The following MESD variants were observed in gnomAD, a reference collection of about 807,000 sequenced individuals.
MESD encodes the protein mesoderm development LRP chaperone.
MESD carries 7 observed loss-of-function variants against 12.9 expected under a neutral mutation model. The ratio of observed to expected loss-of-function variants is 0.54; its 90% CI spans 0.31 to 1.02. The LOEUF (loss-of-function observed/expected upper bound fraction) is 1.02, where lower values mean the gene tolerates loss of function less well. Ranked by LOEUF, MESD falls within the 50% of genes least tolerant of loss-of-function variation. The pLI is 0.05. For synonymous variants in MESD, 126 were observed against 115.6 expected, an observed-to-expected ratio of 1.09 and a Z score of -0.58; for missense variants, 342 against 296.7, an observed-to-expected ratio of 1.15 and a Z score of -1.12.
intron 1 of MESD, among the ~76,000 whole-genome samples, chr15:80,988,155 C>G (rs1902784532): frequency 1.3e-5 from 2 of 152,150 alleles, no homozygotes; most frequent in Non-Finnish European, 2.9e-5. Context: ...CTCTAAAAGT[C>G]GCGAAAGAAT....
chr15:80,955,374 C>T (rs1473184024), intron 3 of MESD, among the ~76,000 whole-genome samples: 1 of 150,046 alleles, frequency 6.7e-6, no homozygotes, highest in African/African-American at 2.5e-5. Flanking sequence ...GCCTGTAGTC[C>T]CAGTATTCGG....
Position 80,979,247 on chromosome 15 carries a change from C to T in MESD, c.677G>A (p.Arg226Gln), listed in dbSNP as rs753142107. 5.0e-5 allele frequency: 80 copies of T among 1,613,646 alleles called. No homozygotes were observed. The highest frequency in any genetic ancestry group is 1.6e-4 in the South Asian group (15 of 91,084). The change falls in exon 3 of 3, where the codon CGA becomes CAA. Residue 226 changes from arginine (R) to glutamine (Q), a missense_variant. Coordinates refer to ENST00000261758, the MANE Select transcript of MESD (RefSeq NM_015154.3). ...CAGGTCTTCTCTTTTATTCCCAGCT[C>T]GATTTTCTTCCTTGGAAGACCGAGA... is the stretch of plus-strand genomic sequence containing the variant. ...LKSRSSKEEN[R>Q]AGNKREDL
Position 80,989,754 on chromosome 15 carries a change from A to C in MESD, c.38T>G (p.Leu13Arg), listed in dbSNP as rs766820623. The change falls in exon 1 of 3, where the codon CTG (leucine) becomes CGG (arginine). Residue 13 changes from leucine (L) to arginine (R), a missense_variant. Transcript: ENST00000261758. ...CAGCAGCAGGTCAGAGGCACAAAGCAGGACCACGGCCTTGCGCGCCCACCT... is the reference window on the plus strand; with the variant it reads ...CAGCAGCAGGTCAGAGGCACAAAGCCGGACCACGGCCTTGCGCGCCCACCT... Reference protein sequence around the residue: ...ASRWARKAVVLLCASDLLLLL... With the variant: ...ASRWARKAVVRLCASDLLLLL... The C allele has an allele frequency of 5.0e-6, 8 of 1,600,912 alleles. No homozygotes were observed. The highest frequency in any genetic ancestry group is 5.1e-6 in the Non-Finnish European group (6 of 1,179,110).
In MESD at chr15:80,988,027, TC is replaced by T. The variant is rs576000061; in HGVS notation, c.213+1551del. ...TAAAAGTATAAAAATCTCACATTTC[TC>T]CCTTCTACTCTGCTCCTGCAGTTTC... is the stretch of plus-strand genomic sequence containing the variant. On this transcript the variant is annotated intron_variant, in intron 1 of 2. Coordinates refer to ENST00000261758, the MANE Select transcript of MESD (RefSeq NM_015154.3). 1.7e-4 allele frequency among the ~76,000 whole-genome samples: 26 copies of T among 152,222 alleles called. 1 individual carries two copies. Among genetic ancestry groups the T allele is most frequent in the Non-Finnish European group, 3.2e-4 (22 of 68,040 alleles).
downstream of MESD, chr15:80,946,751 CA>C (rs1901572089): frequency 3.4e-6 from 2 of 582,566 alleles, no homozygotes; most frequent in South Asian, 3.7e-5. Context: ...CAACTGTGGC[CA>C]GATGTGTGGG....
intron 1 of MESD, among the ~76,000 whole-genome samples, chr15:80,985,681 T>C (rs1162965902): frequency 3.6e-5 from 5 of 138,916 alleles, no homozygotes; most frequent in Non-Finnish European, 7.7e-5. Flanking sequence ...GGTCTTACTC[T>C]ATTACCCAGT....
Position 80,977,799 on chromosome 15 carries a change from A to C in MESD, c.*1420T>G, listed in dbSNP as rs1902457707. The C allele has an allele frequency of 6.6e-6, 1 of 152,274 alleles. No homozygotes were observed. Among genetic ancestry groups the C allele is most frequent in the African/African-American group, 2.4e-5 (1 of 41,450 alleles). 9.4% of individuals were successfully genotyped at this position (152,274 alleles called of 1,614,324 possible). A position where few individuals can be genotyped will look rare whatever the true frequency, so the allele number is the denominator to read the frequency against. ...AGCTCCCGCTCCAGGTTCAAGATGCAGGAGGAACAAGAAAAGCCTCTTTCA... is the reference window on the plus strand; with the variant it reads ...AGCTCCCGCTCCAGGTTCAAGATGCCGGAGGAACAAGAAAAGCCTCTTTCA... On this transcript the variant is annotated 3_prime_UTR_variant, in exon 3 of 3. Coordinates refer to ENST00000261758, the MANE Select transcript of MESD (RefSeq NM_015154.3).
In MESD at chr15:80,952,412, T is replaced by C. The variant is rs1250679714; in HGVS notation, c.*289-116A>G. On this transcript the variant is annotated intron_variant, in intron 3 of 4. Transcript: ENST00000561312. Reference sequence around the variant, plus strand: ...ATGGGGCTACCTACATTTAAATTAATTTAAATTAAATGCAATTAAAAATGC... The same window carrying C: ...ATGGGGCTACCTACATTTAAATTAACTTAAATTAAATGCAATTAAAAATGC... The C allele has an allele frequency of 4.9e-5, 14 of 287,844 alleles. 1 individual carries two copies. The highest frequency in any genetic ancestry group is 4.5e-4 in the South Asian group (14 of 30,982). The allele number at this position is 287,844 out of a possible 1,614,324, so 17.8% of individuals were successfully genotyped here.
In MESD at chr15:80,960,947, G is replaced by T. The variant is rs1335585256; in HGVS notation, c.*289-8651C>A. ...AGGGAGGAAGGAAAGTCCTGGGTTA[G>T]GGAATTCATGCCACTGTCTCCCTTT... is the stretch of plus-strand genomic sequence containing the variant. On this transcript the variant is annotated intron_variant, in intron 3 of 4. Coordinates refer to the MESD transcript ENST00000561312. Among the ~76,000 whole-genome samples the T allele has an allele frequency of 2.6e-5, 4 of 152,296 alleles. No homozygotes were observed. In the East Asian group the frequency reaches 7.7e-4, roughly 29 times the overall value.
At chr15:80,971,747 C>A (rs1902293088), downstream of MESD, among the ~76,000 whole-genome samples, 1 of 152,092 alleles carries the variant, frequency 6.6e-6, no homozygotes, top group Non-Finnish European at 1.5e-5. Flanking sequence ...CCGCCTCAAC[C>A]TCCTGAGTAG....
Position 80,967,225 on chromosome 15 carries a change from G to A in MESD, c.*288+11706C>T, listed in dbSNP as rs557667743. The stretch of plus-strand genomic sequence containing the variant: ...GAGAATCACTTGAACCCGGGAGGTG[G>A]AGGTTGTGGTGAACCGAGATCACAC... On this transcript the variant is annotated intron_variant, in intron 3 of 4. Coordinates refer to the MESD transcript ENST00000561312. Among the ~76,000 whole-genome samples, 12 of 152,068 alleles carry A rather than the reference G, an allele frequency of 7.9e-5. No homozygotes were observed. In the South Asian group the frequency reaches 2.1e-3, roughly 26 times the overall value.
chr15:80,982,112 T>C lies in MESD; in HGVS notation c.284A>G (p.Lys95Arg), dbSNP rs370672520. Reference sequence around the variant, plus strand: ...GCTTTCAGGCTTGCTTGGGTCTATCTTTGAGAAGTCGACAGGTGCTGAAGG... The same window carrying C: ...GCTTTCAGGCTTGCTTGGGTCTATCCTTGAGAAGTCGACAGGTGCTGAAGG... The part of the protein sequence containing the change: ...KRPSAPVDFS[K>R]IDPSKPESIL... The change falls in exon 2 of 3, where the codon AAG (lysine) becomes AGG (arginine). Residue 95 changes from lysine to arginine, a missense_variant. By Grantham distance (26) the Lys-to-Arg change is conservative (BLOSUM62 2). Transcript: ENST00000261758. 286 of 1,614,046 alleles carry C rather than the reference T, an allele frequency of 1.8e-4. No individual in the cohort carries two copies. Among genetic ancestry groups the C allele is most frequent in the Non-Finnish European group, 2.2e-4 (259 of 1,180,042 alleles).
intron 3 of MESD, among the ~76,000 whole-genome samples, chr15:80,958,954 A>G (rs1488835939): frequency 1.3e-5 from 2 of 152,230 alleles, no homozygotes; most frequent in Non-Finnish European, 2.9e-5. Context: ...CTGGAGAGTC[A>G]TTGAAGGGGA....
chr15:80,988,791 C>T (rs1374273234), intron 1 of MESD, among the ~76,000 whole-genome samples: 3 of 152,204 alleles, frequency 2.0e-5, no homozygotes, highest in Admixed American at 2.0e-4. Flanking sequence ...ACATAACCTG[C>T]CCAAGGTTCC....
At position 80,982,117 on chromosome 15, in the gene MESD, G is replaced by C. The variant is rs1325788593; in HGVS notation, c.279C>G (p.Phe93Leu). 6.2e-7 allele frequency: 1 copy of C among 1,614,134 alleles called. No individual in the cohort carries two copies. Among genetic ancestry groups the C allele is most frequent in the East Asian group, 2.2e-5 (1 of 44,878 alleles). ...CAGGCTTGCTTGGGTCTATCTTTGA[G>C]AAGTCGACAGGTGCTGAAGGTCTCT... ...EHKRPSAPVDFSKIDPSKPES... is the reference protein window; with the variant it reads ...EHKRPSAPVDLSKIDPSKPES... Residue 93 changes from phenylalanine (F) to leucine (L), a missense_variant, in exon 2 of 3, where the codon TTC becomes TTG. Coordinates refer to ENST00000261758, the MANE Select transcript of MESD (RefSeq NM_015154.3).
intron 1 of MESD, among the ~76,000 whole-genome samples, chr15:80,987,491 C>CTTT (rs11337726): frequency 1.4e-5 from 2 of 143,504 alleles, no homozygotes; most frequent in Admixed American, 1.4e-4. Context: ...CAAAATCTGT[C>CTTT]TTTTTTTTTT....
chr15:80,989,744 G>A lies in MESD; in HGVS notation c.48C>T (p.Ala16=). 1.9e-6 allele frequency: 3 copies of A among 1,603,638 alleles called. No individual in the cohort carries two copies. The highest frequency in any genetic ancestry group is 2.5e-6 in the Non-Finnish European group (3 of 1,179,670). Residue 16 remains alanine, a synonymous_variant, in exon 1 of 3, where the codon GCC becomes GCT. Coordinates refer to ENST00000261758, the MANE Select transcript of MESD (RefSeq NM_015154.3). The part of the protein sequence containing the change: ...WARKAVVLLC[A]SDLLLLLLLL... ...GTAGCAGCAGCAGCAGCAGGTCAGA[G>A]GCACAAAGCAGGACCACGGCCTTGC...
chr15:80,973,519 A>T (rs548334635), downstream of MESD, among the ~76,000 whole-genome samples: 1 of 152,274 alleles, frequency 6.6e-6, no homozygotes, highest in East Asian at 1.9e-4. Context: ...AGTCTTGGCA[A>T]CAGAGGCCCT....
At chr15:80,947,834 T>C (rs12323944) in exon 5 of MESD, 4,186 of 152,372 alleles carry the variant, frequency 0.027, 195 homozygotes, top group African/African-American at 0.096. Context: ...CCATTTAAGA[T>C]GAGGACACCA....
Sources: gnomAD v4.1 joint callset for allele counts (sites outside exome capture counted in the v4.1 genomes callset) on GRCh38, gnomAD v4.1.1 for gene constraint, MANE v1.5 for transcripts, NCBI Gene and HGNC (gene_info 2026-07-23, HGNC 2026-07-21) for gene names.